Variants in PHACTR2 observed in about 807,000 individuals in gnomAD.
The protein encoded by PHACTR2 is chromosome 6 open reading frame 56.
A neutral mutation model predicts 76.0 loss-of-function variants in PHACTR2; 30 were observed. The ratio of observed to expected loss-of-function variants is 0.39; its 90% CI spans 0.30 to 0.54. The LOEUF (loss-of-function observed/expected upper bound fraction) is 0.54. PHACTR2 is among the 20% of genes least tolerant of loss of function. The probability of loss-of-function intolerance (pLI) is 0.61; values close to 1 mark genes in which losing one functional copy is unlikely to be tolerated. For missense variants in PHACTR2, 696 were observed against 781.1 expected (o/e 0.89, Z 1.30); for synonymous variants, 292 against 292.5 (o/e 1.00, Z 0.02).
In PHACTR2 at chr6:143,557,681, C is replaced by T. The variant is rs1372910827; in HGVS notation, c.217+20474C>T. ...CTTCTTTCTCCGTAAGGTCTTGTCG[C>T]GAGTCCTAGAGGCAACCAGTTCCTT... On this transcript the variant is annotated intron_variant, in intron 1 of 11. Transcript: ENST00000367584. This position sits in a 1 kb window ranked among gnomAD's most constrained non-coding sequence, Gnocchi z 5.5. 2.0e-5 allele frequency: 3 copies of T among 152,322 alleles called. No individual in the cohort carries two copies. The highest frequency in any genetic ancestry group is 1.9e-4 in the East Asian group (1 of 5,182). 9.4% of individuals were successfully genotyped at this position (152,322 alleles called of 1,614,324 possible). A position where few individuals can be genotyped will look rare whatever the true frequency, so the allele number is the denominator to read the frequency against.
rs1224591654 is a variant in PHACTR2, at chr6:143,557,976, C to T, written c.217+20769C>T. On this transcript the variant is annotated intron_variant, in intron 1 of 11. Coordinates refer to the PHACTR2 transcript ENST00000367584. This position sits in a 1 kb window ranked among gnomAD's most constrained non-coding sequence, Gnocchi z 5.5. ...ATACCCTTGAAGGATGGATGGGATC[C>T]TTCATGTCCAGGTGTACCTCACCTG... is the stretch of plus-strand genomic sequence containing the variant. 1 of 152,074 alleles carries T rather than the reference C, an allele frequency of 6.6e-6. No individual in the cohort carries two copies. The highest frequency in any genetic ancestry group is 1.5e-5 in the Non-Finnish European group (1 of 68,026). 9.4% of individuals were successfully genotyped at this position (152,074 alleles called of 1,614,324 possible). A position where few individuals can be genotyped will look rare whatever the true frequency, so the allele number is the denominator to read the frequency against.
At position 143,823,704 on chromosome 6, in the gene PHACTR2, A is replaced by C. The variant is rs748362643; in HGVS notation, c.*15A>C. ...ATCGTCCATAACGAAGAGTGAGACTATTTGGAAACAGAGACTGATCATCTT... is the reference window on the plus strand; with the variant it reads ...ATCGTCCATAACGAAGAGTGAGACTCTTTGGAAACAGAGACTGATCATCTT... On this transcript the variant is annotated 3_prime_UTR_variant, in exon 13 of 13. Coordinates refer to ENST00000440869, the MANE Select transcript of PHACTR2 (RefSeq NM_001100164.2). This position sits in a 1 kb window ranked among gnomAD's most constrained non-coding sequence, Gnocchi z 5.7. The C allele has an allele frequency of 6.2e-6, 10 of 1,604,706 alleles. No individual in the cohort carries two copies. Among genetic ancestry groups the C allele is most frequent in the African/African-American group, 5.4e-5 (4 of 74,756 alleles).
At chr6:143,584,973 C>A (rs1376967026) in intron 1 of PHACTR2, among the ~76,000 whole-genome samples, 46 of 102,676 alleles carry the variant, frequency 4.5e-4, no homozygotes, top group Non-Finnish European at 8.3e-4. Flanking sequence ...GCTGGTCCTA[C>A]CCAGATTAAA....
rs746205534 is a variant in PHACTR2, at chr6:143,658,276, C to T, written c.13+49954C>T. On this transcript the variant is annotated intron_variant, in intron 1 of 11. Coordinates refer to the PHACTR2 transcript ENST00000305766. This position sits in a 1 kb window ranked among gnomAD's most constrained non-coding sequence, Gnocchi z 4.1. ...AAATTTGGGTACAAATATAGAAATA[C>T]ACCTTCAAATTAACAAGGGAAATTC... 1.3e-5 allele frequency among the ~76,000 whole-genome samples: 2 copies of T among 152,154 alleles called. No homozygotes were observed. Among genetic ancestry groups the T allele is most frequent in the African/African-American group, 2.4e-5 (1 of 41,450 alleles).
Position 143,709,658 on chromosome 6 carries a change from G to A in PHACTR2, c.47-2358G>A, listed in dbSNP as rs79877967. Among the ~76,000 whole-genome samples the A allele has an allele frequency of 7.8e-3, 1,188 of 152,282 alleles. 32 individuals carry two copies. Among genetic ancestry groups the A allele is most frequent in the Admixed American group, 0.053 (817 of 15,292 alleles). On this transcript the variant is annotated intron_variant, in intron 1 of 12. Coordinates refer to ENST00000440869, the MANE Select transcript of PHACTR2 (RefSeq NM_001100164.2). The surrounding 1 kb of genome is among the most constrained non-coding windows in gnomAD (Gnocchi z 4.4). ...TTCTCCACCTGTCCTCTGTTGACAT[G>A]CTGTGTATGTGTGTGGGGTGTCCTT...
At position 143,710,094 on chromosome 6, in the gene PHACTR2, G is replaced by A. The variant is rs1196159782; in HGVS notation, c.47-1922G>A. On this transcript the variant is annotated intron_variant, in intron 1 of 12. Transcript: ENST00000440869. This position sits in a 1 kb window ranked among gnomAD's most constrained non-coding sequence, Gnocchi z 4.9. ...TTATTGTCTAAAAGTTTCTTATGTT[G>A]CTACTCTGCCCCTTTCCTGGTTATG... Among the ~76,000 whole-genome samples the A allele has an allele frequency of 6.6e-6, 1 of 152,124 alleles. No homozygotes were observed. The highest frequency in any genetic ancestry group is 1.9e-4 in the East Asian group (1 of 5,198).
rs192194151 is a variant in PHACTR2 at position 143,602,276 on chromosome 6, C to T, written c.217+65069C>T. On this transcript the variant is annotated intron_variant, in intron 1 of 11. Coordinates refer to the PHACTR2 transcript ENST00000367584. The surrounding 1 kb of genome is among the most constrained non-coding windows in gnomAD (Gnocchi z 6.1). The stretch of plus-strand genomic sequence containing the variant: ...CTGCTCAATTTTGAGGGCATACTGC[C>T]GATCCAGTATTTAGGGACCCACGTG... 1.2e-3 allele frequency among the ~76,000 whole-genome samples: 183 copies of T among 152,248 alleles called. 1 individual carries two copies. The Middle Eastern group carries it at 0.031, about 25-fold the overall frequency.
rs750453200 is a variant in PHACTR2 at position 143,823,232 on chromosome 6, G to A, written c.1923-442G>A. 9.8e-5 allele frequency among the ~76,000 whole-genome samples: 15 copies of A among 152,330 alleles called. No individual in the cohort carries two copies. The highest frequency in any genetic ancestry group is 2.6e-4 in the African/African-American group (11 of 41,572). ...AAGTGTAGAAAGTAGATTTGGAGTCGTCAGCAGGAGATGATGAGAGGCTGA... is the reference window on the plus strand; with the variant it reads ...AAGTGTAGAAAGTAGATTTGGAGTCATCAGCAGGAGATGATGAGAGGCTGA... On this transcript the variant is annotated intron_variant, in intron 12 of 12. Transcript: ENST00000440869. The surrounding 1 kb of genome is among the most constrained non-coding windows in gnomAD (Gnocchi z 5.7).
At chr6:143,693,974 T>C (rs1027847050) in intron 1 of PHACTR2, among the ~76,000 whole-genome samples, 1 of 151,904 alleles carries the variant, frequency 6.6e-6, no homozygotes, top group Admixed American at 6.6e-5. Flanking sequence ...GAGTCCAAGA[T>C]GGGAGGATCA....
At position 143,602,091 on chromosome 6, in the gene PHACTR2, A is replaced by G. The variant is rs372777791; in HGVS notation, c.217+64884A>G. Among the ~76,000 whole-genome samples, 4 of 152,190 alleles carry G rather than the reference A, an allele frequency of 2.6e-5. No homozygotes were observed. Among genetic ancestry groups the G allele is most frequent in the East Asian group, 1.9e-4 (1 of 5,198 alleles). ...GAAATATAAAATACGATTGTTAACT[A>G]TAGTCACCTCATTGTGCTGCCTAAC... On this transcript the variant is annotated intron_variant, in intron 1 of 11. Coordinates refer to the PHACTR2 transcript ENST00000367584. The surrounding 1 kb of genome is among the most constrained non-coding windows in gnomAD (Gnocchi z 6.1).
At position 143,617,973 on chromosome 6, in the gene PHACTR2, T is replaced by C. The variant is rs1776083834; in HGVS notation, c.13+9651T>C. Among the ~76,000 whole-genome samples, 3 of 152,168 alleles carry C rather than the reference T, an allele frequency of 2.0e-5. No individual in the cohort carries two copies. The highest frequency in any genetic ancestry group is 7.2e-5 in the African/African-American group (3 of 41,456). On this transcript the variant is annotated intron_variant, in intron 1 of 11. Coordinates refer to the PHACTR2 transcript ENST00000305766. The surrounding 1 kb of genome is among the most constrained non-coding windows in gnomAD (Gnocchi z 4.8). ...TACTAAAAGTGAAGATTCACCACAG[T>C]GGCAAAAACTATTTCTAAAGAGACT... is the stretch of plus-strand genomic sequence containing the variant.
At chr6:143,748,104 C>G (rs1465722454) in intron 2 of PHACTR2, among the ~76,000 whole-genome samples, 2 of 151,594 alleles carry the variant, frequency 1.3e-5, no homozygotes, top group Non-Finnish European at 2.9e-5. Flanking sequence ...TCGCTCTTGT[C>G]GCCCAGGCTG....
rs2128468222 is a variant in PHACTR2 at position 143,742,397 on chromosome 6, C to T, written c.215-6588C>T. On this transcript the variant is annotated intron_variant, in intron 2 of 12. Transcript: ENST00000440869. This position sits in a 1 kb window ranked among gnomAD's most constrained non-coding sequence, Gnocchi z 4.5. ...CTTGCGGAGGCAAGGTGGCCACTAGCCACTCTTGCTCATATTTGTCTGGTT... is the reference window on the plus strand; with the variant it reads ...CTTGCGGAGGCAAGGTGGCCACTAGTCACTCTTGCTCATATTTGTCTGGTT... 6.6e-6 allele frequency among the ~76,000 whole-genome samples: 1 copy of T among 152,288 alleles called. No individual in the cohort carries two copies. Among genetic ancestry groups the T allele is most frequent in the Non-Finnish European group, 1.5e-5 (1 of 68,030 alleles).
At chr6:143,649,002 CTCTGTGTGTG>C (rs145000384) in intron 1 of PHACTR2, among the ~76,000 whole-genome samples, 36,100 of 150,286 alleles carry the variant, frequency 0.24, 4,584 homozygotes, top group East Asian at 0.38. Flanking sequence ...CTCTGTGTGT[CTCTGTGTGTG>C]TCTGTGTGTC....
intron 6 of PHACTR2, among the ~76,000 whole-genome samples, chr6:143,768,421 T>A (rs959800884): frequency 6.6e-6 from 1 of 152,160 alleles, no homozygotes; most frequent in Non-Finnish European, 1.5e-5. Flanking sequence ...GCCCAGGAAG[T>A]ATAATGTTTA....
chr6:143,575,700 T>C (rs1010796988), intron 1 of PHACTR2, among the ~76,000 whole-genome samples: 2 of 152,356 alleles, frequency 1.3e-5, no homozygotes, highest in South Asian at 4.1e-4. Context: ...TGAGAAGCAA[T>C]ATGAGATAAA....
At position 143,571,677 on chromosome 6, in the gene PHACTR2, C is replaced by T. The variant is rs767700850; in HGVS notation, c.217+34470C>T. On this transcript the variant is annotated intron_variant, in intron 1 of 11. Coordinates refer to the PHACTR2 transcript ENST00000367584. The surrounding 1 kb of genome is among the most constrained non-coding windows in gnomAD (Gnocchi z 4.6). Reference sequence around the variant, plus strand: ...CCCACATTGTTGTACAATTGGCTATCGAGAGTTTGGTACAAGTTTACTCCT... The same window carrying T: ...CCCACATTGTTGTACAATTGGCTATTGAGAGTTTGGTACAAGTTTACTCCT... Among the ~76,000 whole-genome samples, 1 of 151,982 alleles carries T rather than the reference C, an allele frequency of 6.6e-6. No individual in the cohort carries two copies. Among genetic ancestry groups the T allele is most frequent in the Non-Finnish European group, 1.5e-5 (1 of 68,020 alleles).
chr6:143,690,036 C>T (rs1415056219), intron 1 of PHACTR2, among the ~76,000 whole-genome samples: 1 of 152,168 alleles, frequency 6.6e-6, no homozygotes, highest in Non-Finnish European at 1.5e-5. Context: ...TATCAGTCAT[C>T]CATGTAATAG....
At chr6:143,740,993 C>A (rs2064528) in intron 2 of PHACTR2, among the ~76,000 whole-genome samples, 72,767 of 152,110 alleles carry the variant, frequency 0.48, 17,474 homozygotes, top group South Asian at 0.56. Context: ...TCACGCCTGT[C>A]ATCCCAGCAC....
Sources: gnomAD v4.1 joint callset for allele counts (sites outside exome capture counted in the v4.1 genomes callset) on GRCh38, gnomAD v4.1.1 for gene constraint, Gnocchi (gnomAD v3.1) non-coding constraint, MANE v1.5 for transcripts, NCBI Gene and HGNC (gene_info 2026-07-23, HGNC 2026-07-21) for gene names.